Variants in CCDC15 observed in about 807,000 individuals in gnomAD.
CCDC15 encodes the protein coiled-coil domain-containing protein 15.
CCDC15 carries 105 observed loss-of-function variants against 114.5 expected under a neutral mutation model. The ratio of observed to expected loss-of-function variants is 0.92; its 90% CI spans 0.78 to 1.08. CCDC15 has a LOEUF of 1.08. Among genes scored for constraint, CCDC15 ranks in the 50% least tolerant of loss-of-function variants. The pLI, the probability that CCDC15 is intolerant of heterozygous loss-of-function variation, is 0.00. For missense variants in CCDC15, 1,105 were observed against 1,093.6 expected (o/e 1.01, Z -0.15); for synonymous variants, 334 against 377.8 (o/e 0.88, Z 1.34).
intron 13 of CCDC15, among the ~76,000 whole-genome samples, chr11:125,014,595 TTAAAA>T (rs763668628): frequency 5.9e-5 from 9 of 152,016 alleles, no homozygotes; most frequent in Non-Finnish European, 1.2e-4. Context: ...AAATATAATC[TTAAAA>T]TAAGAACTCA....
At chr11:124,983,764 G>A (rs1472902196) in intron 6 of CCDC15, among the ~76,000 whole-genome samples, 1 of 152,196 alleles carries the variant, frequency 6.6e-6, no homozygotes, top group Non-Finnish European at 1.5e-5. Context: ...TTATGTGCCA[G>A]CAGCAGTGGC....
At chr11:125,033,996 C>T (rs2135543007) in intron 13 of CCDC15, among the ~76,000 whole-genome samples, 2 of 152,286 alleles carry the variant, frequency 1.3e-5, no homozygotes, top group Non-Finnish European at 2.9e-5. Flanking sequence ...TTCTAGGAGC[C>T]TGCTAGGACT....
chr11:125,025,067 A>AATAT (rs1365002248), intron 13 of CCDC15, among the ~76,000 whole-genome samples: 18,679 of 111,372 alleles, frequency 0.17, 2,499 homozygotes, highest in African/African-American at 0.26. Flanking sequence ...TATATATATG[A>AATAT]ATATATGAAT....
Position 124,954,727 on chromosome 11 carries a change from T to G in CCDC15, c.-6T>G. On this transcript the variant is annotated 5_prime_UTR_variant, in exon 2 of 16. Coordinates refer to ENST00000344762, the MANE Select transcript of CCDC15 (RefSeq NM_025004.3). ...GCTTTTTCTTTCTCCTAATCAGGAGTCACAGATGCTGGGAAGTATGGCCCG... is the reference window on the plus strand; with the variant it reads ...GCTTTTTCTTTCTCCTAATCAGGAGGCACAGATGCTGGGAAGTATGGCCCG... 6.2e-7 allele frequency: 1 copy of G among 1,613,200 alleles called. No individual in the cohort carries two copies. Among genetic ancestry groups the G allele is most frequent in the South Asian group, 1.1e-5 (1 of 91,022 alleles).
intron 11 of CCDC15, among the ~76,000 whole-genome samples, chr11:124,997,259 G>T (rs1048444329): frequency 2.0e-5 from 3 of 152,102 alleles, no homozygotes; most frequent in Non-Finnish European, 2.9e-5. Flanking sequence ...GAATTTTGAG[G>T]CCCATGACAG....
Position 124,987,206 on chromosome 11 carries a change from A to G in CCDC15, c.980A>G (p.Asp327Gly), listed in dbSNP as rs773102612. 3.3e-6 allele frequency: 5 copies of G among 1,536,010 alleles called. No individual in the cohort carries two copies. The African/African-American group carries it at 4.2e-5, about 13-fold the overall frequency. ...QKQLHFEGLQ[D>G]ILPEAQDYFL... ...CAGTTACATTTTGAGGGCCTTCAGG[A>G]TATTCTGCCAGAAGCCCAGGATTAT... The change falls in exon 8 of 16, where the codon GAT becomes GGT. Residue 327 changes from aspartate (D) to glycine (G), a missense_variant. Transcript: ENST00000344762.
At position 125,040,924 on chromosome 11, in the gene CCDC15, CG is replaced by C; in HGVS notation, c.*215del. 1.9e-6 allele frequency: 1 copy of C among 513,902 alleles called. No individual in the cohort carries two copies. Among genetic ancestry groups the C allele is most frequent in the Non-Finnish European group, 3.4e-6 (1 of 291,258 alleles). 31.8% of individuals were successfully genotyped at this position (513,902 alleles called of 1,614,324 possible). A position where few individuals can be genotyped will look rare whatever the true frequency, so the allele number is the denominator to read the frequency against. ...TCTCTCTTCTGTCTTGTGAACCATACGGAGCCTATTATTTTAAAATATGATC... is the reference window on the plus strand; with the variant it reads ...TCTCTCTTCTGTCTTGTGAACCATACGAGCCTATTATTTTAAAATATGATC... On this transcript the variant is annotated 3_prime_UTR_variant, in exon 16 of 16. Coordinates refer to ENST00000344762, the MANE Select transcript of CCDC15 (RefSeq NM_025004.3).
chr11:125,019,103 G>A (rs1041146406), intron 13 of CCDC15, among the ~76,000 whole-genome samples: 6 of 151,972 alleles, frequency 3.9e-5, no homozygotes, highest in Admixed American at 3.9e-4. Flanking sequence ...TTGACTTCAT[G>A]TTGAAAACAG....
chr11:124,970,612 T>G (rs973961256), intron 4 of CCDC15, among the ~76,000 whole-genome samples: 2 of 152,218 alleles, frequency 1.3e-5, no homozygotes, highest in African/African-American at 4.8e-5. Context: ...TAAAATTCTA[T>G]AAATATTAGA....
At chr11:124,962,648 C>CTTTTTTTTT (rs11286590) in intron 4 of CCDC15, among the ~76,000 whole-genome samples, 1 of 147,780 alleles carries the variant, frequency 6.8e-6, no homozygotes. Context: ...GAATTCAGTT[C>CTTTTTTTTT]TTTTTTTTTT....
intron 6 of CCDC15, among the ~76,000 whole-genome samples, chr11:124,982,151 TCTCCATCCCTTTA>T (rs933477944): frequency 3.9e-5 from 6 of 152,196 alleles, no homozygotes; most frequent in Non-Finnish European, 7.3e-5. Flanking sequence ...GGTAGATTTT[TCTCCATCCCTTTA>T]CTTTGAGCCT....
chr11:125,031,728 C>T (rs1318118402), intron 13 of CCDC15, among the ~76,000 whole-genome samples: 1 of 152,196 alleles, frequency 6.6e-6, no homozygotes, highest in Non-Finnish European at 1.5e-5. Flanking sequence ...CCACTGACAC[C>T]TCAAGCACTA....
At chr11:124,969,120 T>C (rs1196494965) in intron 4 of CCDC15, among the ~76,000 whole-genome samples, 2 of 152,204 alleles carry the variant, frequency 1.3e-5, no homozygotes, top group Non-Finnish European at 2.9e-5. Flanking sequence ...TACTATTTTG[T>C]TTTTCAATAT....
chr11:125,034,778 A>G (rs929561207), intron 13 of CCDC15, among the ~76,000 whole-genome samples: 6 of 152,054 alleles, frequency 3.9e-5, no homozygotes, highest in African/African-American at 1.2e-4. Context: ...AACATTTTGG[A>G]GTCTAATCAT....
chr11:124,963,135 A>G (rs1947703916), intron 4 of CCDC15, among the ~76,000 whole-genome samples: 1 of 152,242 alleles, frequency 6.6e-6, no homozygotes, highest in African/African-American at 2.4e-5. Context: ...AGCATGATTT[A>G]TAATCCTTTG....
intron 5 of CCDC15, among the ~76,000 whole-genome samples, chr11:124,977,262 A>G (rs77578267): frequency 0.075 from 11,351 of 152,164 alleles, 689 homozygotes; most frequent in Admixed American, 0.18. Context: ...GTCATTTATA[A>G]AGTTAATATA....
intron 11 of CCDC15, among the ~76,000 whole-genome samples, chr11:124,997,546 C>A (rs1278724162): frequency 6.6e-6 from 1 of 152,184 alleles, no homozygotes; most frequent in African/African-American, 2.4e-5. Context: ...GCCTCAGCCT[C>A]CCAAAGTGTT....
chr11:124,988,042 C>T lies in CCDC15; in HGVS notation c.1816C>T (p.Arg606Trp), dbSNP rs770268494. The T allele has an allele frequency of 1.4e-5, 23 of 1,613,776 alleles. No individual in the cohort carries two copies. Among genetic ancestry groups the T allele is most frequent in the South Asian group, 6.6e-5 (6 of 91,078 alleles). ...AAATATTCTACCCATATGTCAGGAC[C>T]GGGATTTTCTACCCAGAGACCTGCA... is the stretch of plus-strand genomic sequence containing the variant. ...DQNILPICQD[R>W]DFLPRDLHVL... Residue 606 changes from arginine to tryptophan, a missense_variant, in exon 8 of 16, where the codon CGG becomes TGG. Transcript: ENST00000344762.
At chr11:125,029,180 C>T (rs928653194) in intron 13 of CCDC15, among the ~76,000 whole-genome samples, 1 of 152,112 alleles carries the variant, frequency 6.6e-6, no homozygotes, top group Non-Finnish European at 1.5e-5. Context: ...TCTGCCCTTC[C>T]CAACCCACTG....
Sources: allele counts gnomAD v4.1 joint callset (sites outside exome capture counted in the v4.1 genomes callset), GRCh38; gene constraint gnomAD v4.1.1; transcripts MANE v1.5; gene names NCBI Gene and HGNC (gene_info 2026-07-23, HGNC 2026-07-21).